The following LINGO2 variants were observed in gnomAD, a reference collection of about 807,000 sequenced individuals.
The protein encoded by LINGO2 is leucine-rich repeat and immunoglobulin-like domain-containing nogo receptor-interacting protein 2.
A neutral mutation model predicts 30.6 loss-of-function variants in LINGO2; 14 were observed. The ratio of observed to expected loss-of-function variants is 0.46; its 90% CI spans 0.30 to 0.72. The LOEUF (loss-of-function observed/expected upper bound fraction) is 0.72. Ranked by LOEUF, LINGO2 falls within the 30% of genes least tolerant of loss-of-function variation. The pLI is 0.07. For synonymous variants in LINGO2, 317 were observed against 288.5 expected (o/e 1.10, Z -1.00); for missense variants, 729 against 751.7 (o/e 0.97, Z 0.35).
At chr9:28,722,111 C>T in the LINGO2 span, among the ~76,000 whole-genome samples, 3 of 152,008 alleles carry the variant, frequency 2.0e-5, no homozygotes. Flanking sequence ...GATACATTTT[C>T]TGCCTTAATT....
chr9:28,365,870 G>A (rs1820650620), intron 3 of LINGO2, among the ~76,000 whole-genome samples: 1 of 151,740 alleles, frequency 6.6e-6, no homozygotes, highest in African/African-American at 2.4e-5. Flanking sequence ...AGGCAGAGTG[G>A]GCAGAGCATA....
the LINGO2 span, among the ~76,000 whole-genome samples, chr9:29,053,858 A>G: frequency 5.9e-5 from 9 of 152,252 alleles, no homozygotes; most frequent in African/African-American, 2.2e-4. Flanking sequence ...AAATGACTAT[A>G]ATTTACAGCA....
intron 5 of LINGO2, among the ~76,000 whole-genome samples, chr9:28,004,628 T>C (rs923676321): frequency 1.9e-5 from 2 of 102,638 alleles, no homozygotes; most frequent in African/African-American, 6.2e-5. Context: ...TGATAAGTAG[T>C]TTTTTTTCCC....
At chr9:28,073,218 C>G (rs1825531850) in intron 4 of LINGO2, among the ~76,000 whole-genome samples, 1 of 152,016 alleles carries the variant, frequency 6.6e-6, no homozygotes, top group African/African-American at 2.4e-5. Flanking sequence ...GTCCAACTCT[C>G]AAACTTATCA....
At chr9:28,978,716 T>C in the LINGO2 span, among the ~76,000 whole-genome samples, 4 of 152,028 alleles carry the variant, frequency 2.6e-5, no homozygotes, top group Admixed American at 2.6e-4. Context: ...TCTGCTTTAA[T>C]CAATGCCAAG....
intron 2 of LINGO2, among the ~76,000 whole-genome samples, chr9:28,406,164 T>A (rs1587625615): frequency 6.6e-6 from 1 of 152,064 alleles, no homozygotes; most frequent in Non-Finnish European, 1.5e-5. Flanking sequence ...TGCGGCTGGG[T>A]GCGGTGGCTC....
intron 4 of LINGO2, among the ~76,000 whole-genome samples, chr9:28,215,015 G>C (rs1203572183): frequency 6.6e-6 from 1 of 151,600 alleles, no homozygotes; most frequent in African/African-American, 2.4e-5. Flanking sequence ...TTTTAAAAGT[G>C]AAGAGATCCT....
chr9:28,300,982 A>G (rs886094232), intron 3 of LINGO2, among the ~76,000 whole-genome samples: 3 of 151,934 alleles, frequency 2.0e-5, no homozygotes, highest in African/African-American at 7.3e-5. Flanking sequence ...AAATATAATT[A>G]TCATTAGGCA....
At chr9:27,939,335 G>A in the LINGO2 span, 51 of 152,136 alleles carry the variant, frequency 3.4e-4, no homozygotes, top group African/African-American at 1.2e-3. Flanking sequence ...TTTTCCTCCA[G>A]AAGACTCACA....
the LINGO2 span, among the ~76,000 whole-genome samples, chr9:28,764,673 A>T: frequency 2.6e-5 from 4 of 151,966 alleles, no homozygotes; most frequent in African/African-American, 9.7e-5. Context: ...AAGAAAAGAA[A>T]TAAAATATAT....
At chr9:28,117,455 G>C (rs1463483992) in intron 4 of LINGO2, among the ~76,000 whole-genome samples, 6 of 102,980 alleles carry the variant, frequency 5.8e-5, no homozygotes, top group Non-Finnish European at 1.0e-4. Flanking sequence ...CGAGCTTCCC[G>C]GCTGCTTTGT....
rs139766612 is a variant in LINGO2, at chr9:28,528,123, C to G, written c.-364-52098G>C. On this transcript the variant is annotated intron_variant, in intron 1 of 5. Coordinates refer to ENST00000379992, the Ensembl canonical transcript of LINGO2. ...CATAGCTGTGGAAGAATACAACCAT[C>G]TCTTCTACTTATCCTACTTAACTCA... is the stretch of plus-strand genomic sequence containing the variant. 6.9e-3 allele frequency among the ~76,000 whole-genome samples: 1,045 copies of G among 152,288 alleles called. 10 individuals are homozygous for G. The highest frequency in any genetic ancestry group is 0.012 in the Non-Finnish European group (799 of 68,024).
chr9:28,804,644 C>G, the LINGO2 span, among the ~76,000 whole-genome samples: 245 of 151,948 alleles, frequency 1.6e-3, 4 homozygotes, highest in Admixed American at 0.015. Flanking sequence ...TTTTTCCTCC[C>G]TAAAATAATT....
At chr9:28,832,633 G>A in the LINGO2 span, among the ~76,000 whole-genome samples, 1 of 152,020 alleles carries the variant, frequency 6.6e-6, no homozygotes, top group Non-Finnish European at 1.5e-5. Context: ...ATCATCATAC[G>A]GCTCATATTA....
intron 4 of LINGO2, among the ~76,000 whole-genome samples, chr9:28,134,191 C>T (rs1330281932): frequency 6.6e-6 from 1 of 152,116 alleles, no homozygotes; most frequent in African/African-American, 2.4e-5. Context: ...CCAAATTCTT[C>T]TGCTTATATA....
At chr9:29,150,655 G>C in the LINGO2 span, among the ~76,000 whole-genome samples, 1 of 152,134 alleles carries the variant, frequency 6.6e-6, no homozygotes. Context: ...AACAGACCAA[G>C]CTGAGAAGAG....
the LINGO2 span, among the ~76,000 whole-genome samples, chr9:29,012,256 G>T: frequency 6.6e-6 from 1 of 151,968 alleles, no homozygotes; most frequent in African/African-American, 2.4e-5. Flanking sequence ...TACTTGGGAG[G>T]GTGAGACAGG....
At chr9:28,732,406 A>C in the LINGO2 span, among the ~76,000 whole-genome samples, 1 of 152,116 alleles carries the variant, frequency 6.6e-6, no homozygotes, top group African/African-American at 2.4e-5. Flanking sequence ...CACAATAAAA[A>C]ACTTAAAACC....
the LINGO2 span, among the ~76,000 whole-genome samples, chr9:29,055,936 G>GTATATATATATATATATAGACATATA: frequency 1.6e-3 from 197 of 121,902 alleles, 1 homozygote; most frequent in African/African-American, 5.5e-3. Context: ...GTGTATGTGT[G>GTATATATATATATATATAGACATATA]TGTGTATATA....
Sources: allele counts gnomAD v4.1 joint callset (sites outside exome capture counted in the v4.1 genomes callset), GRCh38; gene constraint gnomAD v4.1.1; transcripts MANE v1.5; gene names NCBI Gene and HGNC (gene_info 2026-07-23, HGNC 2026-07-21).